Variants in PCDH11X observed in about 807,000 individuals in gnomAD.
PCDH11X encodes protocadherin-11 X-linked.
A neutral mutation model predicts 53.3 loss-of-function variants in PCDH11X; 18 were observed. The observed-to-expected ratio is 0.34, with a 90% CI of 0.23 to 0.50. The LOEUF (loss-of-function observed/expected upper bound fraction) is 0.50. Among genes scored for constraint, PCDH11X ranks in the 20% least tolerant of loss-of-function variants. PCDH11X has a pLI of 0.98. For synonymous variants in PCDH11X, 279 were observed against 393.3 expected (o/e 0.71, Z 3.44); for missense variants, 570 against 1,032.4 (o/e 0.55, Z 6.14).
intron 10 of PCDH11X, among the ~76,000 whole-genome samples, chrX:92,500,134 C>T (rs1205822603): frequency 9.0e-6 from 1 of 111,232 alleles, no homozygotes; most frequent in East Asian, 2.8e-4. Context: ...TAAAATCAGA[C>T]TTCCATTGCA....
At chrX:91,932,281 G>A (rs1363410696) in intron 6 of PCDH11X, among the ~76,000 whole-genome samples, 1 of 109,935 alleles carries the variant, frequency 9.1e-6, no homozygotes, top group Non-Finnish European at 1.9e-5. Context: ...ATGTGTATAT[G>A]TTATTTCAAA....
chrX:92,036,845 A>G (rs2063133355), intron 6 of PCDH11X, among the ~76,000 whole-genome samples: 1 of 110,434 alleles, frequency 9.1e-6, no homozygotes, highest in African/African-American at 3.3e-5. Context: ...AGATTCTGAT[A>G]GTGATAAGGA....
intron 8 of PCDH11X, among the ~76,000 whole-genome samples, chrX:92,336,495 C>T (rs2069621870): frequency 8.9e-6 from 1 of 111,927 alleles, no homozygotes; most frequent in Admixed American, 9.5e-5. Context: ...CACATTATTT[C>T]AGCCTTGTAA....
intron 10 of PCDH11X, among the ~76,000 whole-genome samples, chrX:92,582,467 C>T (rs1923835140): frequency 9.1e-6 from 1 of 109,318 alleles, no homozygotes; most frequent in Non-Finnish European, 1.9e-5. Context: ...CCTGTGAGTG[C>T]ACAGAAGTCA....
At chrX:92,275,823 C>CGG (rs1569451440) in intron 8 of PCDH11X, among the ~76,000 whole-genome samples, 1 of 110,369 alleles carries the variant, frequency 9.1e-6, no homozygotes, top group Non-Finnish European at 1.9e-5. Context: ...TGGTGTTGAG[C>CGG]GGGGTAAGGG....
chrX:91,869,078 T>C lies in PCDH11X; in HGVS notation c.541-7703T>C, dbSNP rs1346140660. 6.3e-5 allele frequency among the ~76,000 whole-genome samples: 7 copies of C among 111,572 alleles called. No homozygotes were observed. In the East Asian group the frequency reaches 2.0e-3, roughly 31 times the overall value. On this transcript the variant is annotated intron_variant, in intron 5 of 10. Coordinates refer to ENST00000682573, the MANE Select transcript of PCDH11X (RefSeq NM_032968.5). ...ATATTCTTAAATGAGCAAGTTAAAA[T>C]TGTATTTAATTATATACTCTTAAAA... is the stretch of plus-strand genomic sequence containing the variant.
chrX:91,987,023 A>C (rs1358586779), intron 6 of PCDH11X, among the ~76,000 whole-genome samples: 1 of 109,690 alleles, frequency 9.1e-6, no homozygotes, highest in Non-Finnish European at 1.9e-5. Context: ...ATAAAAAATT[A>C]ACTGAAATAT....
intron 6 of PCDH11X, among the ~76,000 whole-genome samples, chrX:91,947,796 A>G (rs371499075): frequency 1.9e-5 from 2 of 103,784 alleles, no homozygotes; most frequent in East Asian, 6.5e-4. Context: ...CTCTTTAAGT[A>G]CGTACACACT....
intron 9 of PCDH11X, chrX:92,460,830 A>T: frequency 9.3e-7 from 1 of 1,078,412 alleles, no homozygotes. Context: ...CGAGGACTTC[A>T]CTCTTGGTGA....
chrX:92,062,697 C>G (rs1203906770), intron 6 of PCDH11X, among the ~76,000 whole-genome samples: 1 of 111,850 alleles, frequency 8.9e-6, no homozygotes, highest in Non-Finnish European at 1.9e-5. Flanking sequence ...CAGAAAACAA[C>G]AGATGCTGGA....
chrX:91,902,444 G>T, intron 6 of PCDH11X, among the ~76,000 whole-genome samples: 1 of 101,448 alleles, frequency 9.9e-6, no homozygotes, highest in Admixed American at 1.1e-4. Context: ...ATTTTTTTTG[G>T]CCTTCTGGTA....
intron 7 of PCDH11X, among the ~76,000 whole-genome samples, chrX:92,242,121 G>A (rs1489591725): frequency 1.9e-5 from 2 of 107,553 alleles, no homozygotes; most frequent in African/African-American, 3.4e-5. Context: ...ATACTGAACA[G>A]TTCCATCACC....
At chrX:91,815,063 C>A (rs1347982588) in intron 4 of PCDH11X, among the ~76,000 whole-genome samples, 1 of 110,401 alleles carries the variant, frequency 9.1e-6, no homozygotes, top group Non-Finnish European at 1.9e-5. Context: ...AATTGTTAAC[C>A]CTGTTTTACA....
chrX:92,073,366 C>T (rs957493939), intron 6 of PCDH11X, among the ~76,000 whole-genome samples: 1 of 112,484 alleles, frequency 8.9e-6, no homozygotes, highest in Non-Finnish European at 1.9e-5. Context: ...CATCATCTTG[C>T]TCTGCCTTCT....
chrX:91,861,431 C>A (rs1938668555), intron 5 of PCDH11X, among the ~76,000 whole-genome samples: 1 of 109,460 alleles, frequency 9.1e-6, no homozygotes, highest in Non-Finnish European at 1.9e-5. Context: ...GCCCAGTGAA[C>A]AGGGATAGAT....
At chrX:91,827,218 AT>A (rs1408893842) in intron 4 of PCDH11X, among the ~76,000 whole-genome samples, 1 of 111,753 alleles carries the variant, frequency 8.9e-6, no homozygotes, top group Non-Finnish European at 1.9e-5. Flanking sequence ...GATCAGTGAT[AT>A]TGAGCTTTTT....
rs993652307 is a variant in PCDH11X, at chrX:92,623,063, A to G, written c.*4123A>G. 9.0e-6 allele frequency: 1 copy of G among 110,800 alleles called. No individual in the cohort carries two copies. 9.1% of individuals were successfully genotyped at this position (110,800 alleles called of 1,213,427 possible). On this transcript the variant is annotated 3_prime_UTR_variant, in exon 11 of 11. Coordinates refer to ENST00000682573, the MANE Select transcript of PCDH11X (RefSeq NM_032968.5). ...CATACAGCATCTGAAAGTGAACAGT[A>G]TCCCAAAGCAGTTCCAACCATGCTT...
At chrX:91,860,877 C>T (rs1207312136) in intron 5 of PCDH11X, among the ~76,000 whole-genome samples, 13 of 111,596 alleles carry the variant, frequency 1.2e-4, no homozygotes, top group South Asian at 7.4e-4. Context: ...GTATTTTATT[C>T]GGGATTTTTG....
chrX:92,229,053 T>C (rs2067022322), intron 7 of PCDH11X, among the ~76,000 whole-genome samples: 1 of 111,850 alleles, frequency 8.9e-6, no homozygotes, highest in African/African-American at 3.2e-5. Flanking sequence ...TTCAATTAAG[T>C]ACTAAATTAT....
Sources: allele counts gnomAD v4.1 joint callset (sites outside exome capture counted in the v4.1 genomes callset), GRCh38; gene constraint gnomAD v4.1.1; transcripts MANE v1.5; gene names NCBI Gene and HGNC (gene_info 2026-07-23, HGNC 2026-07-21).